Variants in ESRRG observed in about 807,000 individuals in gnomAD.
ESRRG encodes the protein estrogen-related receptor gamma.
Under a neutral mutation model 44.0 loss-of-function variants are expected in ESRRG, and 13 were observed. The observed-to-expected ratio is 0.30, with a 90% CI of 0.19 to 0.47. The LOEUF is 0.47. Ranked by LOEUF, ESRRG falls within the 20% of genes least tolerant of loss-of-function variation. The pLI is 1.00. For synonymous variants in ESRRG, 215 were observed against 214.6 expected (o/e 1.00, Z -0.02); for missense variants, 395 against 580.6 (o/e 0.68, Z 3.29).
chr1:216,935,154 G>A lies in ESRRG; in HGVS notation c.-14+4428C>T, dbSNP rs1392566144. ...TGGGCTTGCTTTTGCTTTCCCACATGTCAGTTCTCCAGTGGTCACCAACTG... is the reference window on the plus strand; with the variant it reads ...TGGGCTTGCTTTTGCTTTCCCACATATCAGTTCTCCAGTGGTCACCAACTG... On this transcript the variant is annotated intron_variant, in intron 2 of 7. Transcript: ENST00000359162. 2.0e-5 allele frequency among the ~76,000 whole-genome samples: 3 copies of A among 152,168 alleles called. No individual in the cohort carries two copies. In the East Asian group the frequency reaches 5.8e-4, roughly 29 times the overall value.
At chr1:216,648,768 G>C (rs2068218732) in intron 3 of ESRRG, among the ~76,000 whole-genome samples, 1 of 151,984 alleles carries the variant, frequency 6.6e-6, no homozygotes, top group Non-Finnish European at 1.5e-5. Context: ...ATCAATACAA[G>C]TGTTCATTGT....
chr1:216,825,562 T>G (rs2095376875), intron 2 of ESRRG, among the ~76,000 whole-genome samples: 1 of 152,158 alleles, frequency 6.6e-6, no homozygotes, highest in Admixed American at 6.5e-5. Context: ...GAGTTCTAAG[T>G]TATATTTAAA....
At chr1:216,649,053 G>C (rs1190123994) in intron 3 of ESRRG, among the ~76,000 whole-genome samples, 1 of 152,100 alleles carries the variant, frequency 6.6e-6, no homozygotes, top group African/African-American at 2.4e-5. Context: ...CTTCACAAAC[G>C]TAAGCTACCA....
chr1:216,744,689 C>G (rs922904432), intron 2 of ESRRG, among the ~76,000 whole-genome samples: 1 of 152,158 alleles, frequency 6.6e-6, no homozygotes, highest in Non-Finnish European at 1.5e-5. Context: ...GCAATACATG[C>G]TGTGTTACCT....
chr1:216,547,437 T>C (rs2054889028), intron 5 of ESRRG, among the ~76,000 whole-genome samples: 1 of 152,080 alleles, frequency 6.6e-6, no homozygotes, highest in South Asian at 2.1e-4. Context: ...AAAGTCTCAA[T>C]TCTAAATTTT....
chr1:216,539,760 A>G (rs1183022226), intron 5 of ESRRG, among the ~76,000 whole-genome samples: 1 of 152,062 alleles, frequency 6.6e-6, no homozygotes, highest in Non-Finnish European at 1.5e-5. Flanking sequence ...CAGCATTAGC[A>G]GTGTATTGTG....
chr1:216,896,641 T>A (rs1476486268), intron 2 of ESRRG, among the ~76,000 whole-genome samples: 2 of 152,234 alleles, frequency 1.3e-5, no homozygotes, highest in Non-Finnish European at 2.9e-5. Flanking sequence ...GAAATGCTAC[T>A]TTGGGATTCT....
intron 3 of ESRRG, among the ~76,000 whole-genome samples, chr1:216,578,332 C>T (rs2062068317): frequency 6.6e-6 from 1 of 152,012 alleles, no homozygotes; most frequent in Non-Finnish European, 1.5e-5. Flanking sequence ...ATAGCACCCC[C>T]ATAGGAATGC....
intron 1 of ESRRG, among the ~76,000 whole-genome samples, chr1:217,036,577 G>T (rs1000252293): frequency 6.6e-6 from 1 of 152,116 alleles, no homozygotes; most frequent in African/African-American, 2.4e-5. Flanking sequence ...AAAAGCAAAT[G>T]CTGCATACTC....
chr1:217,072,986 C>T (rs1213698002), intron 1 of ESRRG, among the ~76,000 whole-genome samples: 4 of 151,736 alleles, frequency 2.6e-5, no homozygotes, highest in Non-Finnish European at 5.9e-5. Flanking sequence ...ATGTTCTCTG[C>T]CCTTGGGAAA....
At chr1:217,098,554 G>A (rs2092459111) in intron 1 of ESRRG, among the ~76,000 whole-genome samples, 1 of 152,164 alleles carries the variant, frequency 6.6e-6, no homozygotes, top group Admixed American at 6.5e-5. Flanking sequence ...TGATGGGCAA[G>A]TAGGAGTGTA....
At chr1:216,727,528 AAC>A (rs1481667755), upstream of ESRRG, among the ~76,000 whole-genome samples, 1 of 152,088 alleles carries the variant, frequency 6.6e-6, no homozygotes, top group African/African-American at 2.4e-5. Flanking sequence ...CCTGCTTAAG[AAC>A]ACACCTTTCC....
chr1:217,071,908 G>A (rs2090610320), intron 1 of ESRRG, among the ~76,000 whole-genome samples: 1 of 152,172 alleles, frequency 6.6e-6, no homozygotes, highest in Admixed American at 6.5e-5. Context: ...TCTAGTTCTA[G>A]AGCTATGATG....
At chr1:217,010,043 C>T (rs1301491742) in intron 1 of ESRRG, among the ~76,000 whole-genome samples, 5 of 151,986 alleles carry the variant, frequency 3.3e-5, no homozygotes, top group Non-Finnish European at 7.4e-5. Context: ...CTAACTTACA[C>T]TCAGAGCATA....
intron 1 of ESRRG, among the ~76,000 whole-genome samples, chr1:217,051,619 G>A (rs978456517): frequency 6.6e-6 from 1 of 152,166 alleles, no homozygotes; most frequent in African/African-American, 2.4e-5. Flanking sequence ...GTATTAAGAG[G>A]TGAGAGAGAA....
intron 2 of ESRRG, among the ~76,000 whole-genome samples, chr1:216,769,302 G>T (rs965642263): frequency 1.3e-5 from 2 of 152,142 alleles, no homozygotes; most frequent in African/African-American, 4.8e-5. Context: ...CTTCCCAGGG[G>T]TGTTCTATGA....
intron 1 of ESRRG, among the ~76,000 whole-genome samples, chr1:217,080,192 T>C (rs1170277584): frequency 2.6e-5 from 4 of 152,224 alleles, no homozygotes; most frequent in Non-Finnish European, 5.9e-5. Context: ...GCAGGTAGCA[T>C]ACGTCCCTTA....
rs184547728 is a variant in ESRRG at position 217,003,000 on chromosome 1, G to A, written c.-105-63327C>T. On this transcript the variant is annotated intron_variant, in intron 1 of 7. Coordinates refer to the ESRRG transcript ENST00000359162. ...CCATGAAAGCTTTTGTTACTCAAGCGCAGATAACTGTTATATTCCAAATAA... is the reference window on the plus strand; with the variant it reads ...CCATGAAAGCTTTTGTTACTCAAGCACAGATAACTGTTATATTCCAAATAA... 4.0e-4 allele frequency among the ~76,000 whole-genome samples: 61 copies of A among 152,186 alleles called. No homozygotes were observed. The East Asian group carries it at 9.1e-3, about 23-fold the overall frequency.
chr1:216,581,543 T>G (rs2062765186), intron 3 of ESRRG, among the ~76,000 whole-genome samples: 1 of 152,174 alleles, frequency 6.6e-6, no homozygotes, highest in African/African-American at 2.4e-5. Context: ...TCTATGAGTT[T>G]ACATTAGCAT....
Sources: gnomAD v4.1 joint callset for allele counts (sites outside exome capture counted in the v4.1 genomes callset) on GRCh38, gnomAD v4.1.1 for gene constraint, MANE v1.5 for transcripts, NCBI Gene and HGNC (gene_info 2026-07-23, HGNC 2026-07-21) for gene names.